ECE1: variants seen among roughly 807,000 people sequenced by gnomAD.
The protein encoded by ECE1 is endothelin-converting enzyme 1.
A neutral mutation model predicts 98.6 loss-of-function variants in ECE1; 35 were observed. The ratio of observed to expected loss-of-function variants is 0.35; its 90% CI spans 0.27 to 0.47. ECE1 has a LOEUF of 0.47. Ranked by LOEUF, ECE1 falls within the 20% of genes least tolerant of loss-of-function variation. The probability of loss-of-function intolerance (pLI) is 1.00; values close to 1 mark genes in which losing one functional copy is unlikely to be tolerated. For synonymous variants in ECE1, 394 were observed against 407.1 expected (o/e 0.97, Z 0.39); for missense variants, 814 against 1,025.3 (o/e 0.79, Z 2.81).
intron 1 of ECE1, among the ~76,000 whole-genome samples, chr1:21,328,406 G>A (rs1639127836): frequency 6.6e-6 from 1 of 152,216 alleles, no homozygotes; most frequent in Non-Finnish European, 1.5e-5. Flanking sequence ...GTAAATGGTA[G>A]ATATTGCCAC....
chr1:21,335,124 A>T (rs746908200), intron 1 of ECE1, among the ~76,000 whole-genome samples: 41 of 151,498 alleles, frequency 2.7e-4, no homozygotes, highest in Non-Finnish European at 5.3e-4. Flanking sequence ...TTCACCCCCT[A>T]CATGTGCCAA....
At chr1:21,293,031 T>G (rs1638249098), upstream of ECE1, among the ~76,000 whole-genome samples, 1 of 152,212 alleles carries the variant, frequency 6.6e-6, no homozygotes, top group African/African-American at 2.4e-5. Flanking sequence ...GAAGTTCAGT[T>G]CACAGAACAT....
At position 21,221,672 on chromosome 1, in the gene ECE1, T is replaced by G. The variant is rs13306312; in HGVS notation, c.2136+75A>C. On this transcript the variant is annotated intron_variant, in intron 18 of 18. Coordinates refer to ENST00000374893, the MANE Select transcript of ECE1 (RefSeq NM_001397.3). ...TTCTCAATCTGTGGGGAACTTGCCT[T>G]TCGGCTCTCTGGGCTCTTGAAACAT... 132 of 1,506,242 alleles carry G rather than the reference T, an allele frequency of 8.8e-5. No homozygotes were observed. In the East Asian group the frequency reaches 2.4e-3, roughly 27 times the overall value. The allele number at this position is 1,506,242 out of a possible 1,614,324, so 93.3% of individuals were successfully genotyped here.
chr1:21,218,009 C>T lies in ECE1; in HGVS notation c.*1946G>A, dbSNP rs3026914. ...GCGGGAAAGCGGTGGCTGTGGAGGG[C>T]ACGTGCTGCCCCCACCTCCGTCTCG... On this transcript the variant is annotated 3_prime_UTR_variant, in exon 19 of 19. Coordinates refer to ENST00000374893, the MANE Select transcript of ECE1 (RefSeq NM_001397.3). This position sits in a 1 kb window ranked among gnomAD's most constrained non-coding sequence, Gnocchi z 4.0. 8,353 of 152,602 alleles carry T rather than the reference C, an allele frequency of 0.055. 753 individuals carry two copies. Among genetic ancestry groups the T allele is most frequent in the African/African-American group, 0.19 (7,830 of 41,484 alleles). 9.5% of individuals were successfully genotyped at this position (152,602 alleles called of 1,614,324 possible).
At chr1:21,299,098 T>C (rs186042242) in intron 1 of ECE1, 111 of 335,704 alleles carry the variant, frequency 3.3e-4, no homozygotes, top group African/African-American at 2.2e-3. Flanking sequence ...AAGACAAAGT[T>C]AACCCGTCTC....
chr1:21,320,482 TGAGA>T (rs1431173066), intron 1 of ECE1, among the ~76,000 whole-genome samples: 1 of 152,264 alleles, frequency 6.6e-6, no homozygotes, highest in Non-Finnish European at 1.5e-5. Flanking sequence ...CAGTGGGTCC[TGAGA>T]ATACAACCTA....
chr1:21,332,090 C>T (rs1017831397), intron 1 of ECE1, among the ~76,000 whole-genome samples: 2 of 152,194 alleles, frequency 1.3e-5, no homozygotes, highest in Non-Finnish European at 2.9e-5. Context: ...CACCCTCCCC[C>T]ACCCCATCCT....
chr1:21,254,633 G>A (rs894145672), intron 8 of ECE1, among the ~76,000 whole-genome samples: 7 of 152,278 alleles, frequency 4.6e-5, no homozygotes, highest in East Asian at 3.9e-4. Flanking sequence ...GAGGCACTGC[G>A]GGGGCCCCTC....
intron 7 of ECE1, chr1:21,256,563 A>T (rs2098220251): frequency 6.6e-6 from 1 of 152,626 alleles, no homozygotes; most frequent in Non-Finnish European, 1.5e-5. Context: ...GTCTCAAAAA[A>T]AAAAGAAGAA....
chr1:21,287,956 T>TG (rs976560174), intron 2 of ECE1, among the ~76,000 whole-genome samples: 3 of 137,370 alleles, frequency 2.2e-5, no homozygotes, highest in African/African-American at 9.2e-5. Flanking sequence ...GCTTTTACAC[T>TG]GGGGAAAAAA....
chr1:21,256,058 C>A lies in ECE1; in HGVS notation c.909G>T (p.Gln303His). 1 of 1,612,330 alleles carries A rather than the reference C, an allele frequency of 6.2e-7. No individual in the cohort carries two copies. The highest frequency in any genetic ancestry group is 8.5e-7 in the Non-Finnish European group (1 of 1,178,364). The stretch of plus-strand genomic sequence containing the variant: ...TCTCAAAGTCCAAGATCTGCTGCAT[C>A]TGGGGCCGGATGGCCTCCTCGTCCC... ...GGGDEEAIRPQMQQILDFETA... is the reference protein window; with the variant it reads ...GGGDEEAIRPHMQQILDFETA... Residue 303 changes from glutamine (Q) to histidine (H), a missense_variant, in exon 8 of 19, where the codon CAG becomes CAT. This residue lies in a region of ECE1 where 105 missense variants were observed against 179.1 expected (regional missense o/e 0.59). Transcript: ENST00000374893.
rs1172192010 is a variant in ECE1, at chr1:21,257,576, G to A, written c.777C>T (p.Gly259=). The change falls in exon 7 of 19, where the codon GGC becomes GGT. Residue 259 remains glycine, a synonymous_variant. Transcript: ENST00000374893. ...NSNVIQVDQS[G]LGLPSRDYYL... is the part of the protein sequence containing the mutation. Reference sequence around the variant, plus strand: ...AATAGTCTCTCGAGGGCAAGCCCAGGCCAGACTGGTCCACCTGGCAAGAGA... The same window carrying A: ...AATAGTCTCTCGAGGGCAAGCCCAGACCAGACTGGTCCACCTGGCAAGAGA... 2.5e-6 allele frequency: 4 copies of A among 1,614,248 alleles called. No homozygotes were observed. Among genetic ancestry groups the A allele is most frequent in the Middle Eastern group, 1.7e-4 (1 of 6,058 alleles).
Position 21,250,944 on chromosome 1 carries a change from T to C in ECE1, c.1021-3581A>G, listed in dbSNP as rs566449348. Among the ~76,000 whole-genome samples the C allele has an allele frequency of 9.0e-4, 136 of 151,728 alleles. 1 individual carries two copies. The highest frequency in any genetic ancestry group is 1.8e-3 in the Non-Finnish European group (119 of 67,846). On this transcript the variant is annotated intron_variant, in intron 8 of 18. Coordinates refer to ENST00000374893, the MANE Select transcript of ECE1 (RefSeq NM_001397.3). Reference sequence around the variant, plus strand: ...ATGGCATGAACCCGGGAGGCAGAGCTTGCAGTGAGCGGGGATCGCGCCACT... The same window carrying C: ...ATGGCATGAACCCGGGAGGCAGAGCCTGCAGTGAGCGGGGATCGCGCCACT...
At chr1:21,291,971 T>C (rs530621769), upstream of ECE1, among the ~76,000 whole-genome samples, 4 of 147,798 alleles carry the variant, frequency 2.7e-5, no homozygotes, top group Non-Finnish European at 6.0e-5. Context: ...AAAAAGAAAA[T>C]ATATATATAT....
intron 8 of ECE1, among the ~76,000 whole-genome samples, chr1:21,253,767 TAA>T (rs571502222): frequency 6.7e-5 from 8 of 119,198 alleles, no homozygotes; most frequent in Admixed American, 1.7e-4. Context: ...TGTCTCAAAT[TAA>T]AAAAAAAAAA....
Position 21,345,330 on chromosome 1 carries a change from T to C in ECE1, c.3+46A>G. The C allele has an allele frequency of 2.2e-6, 3 of 1,350,296 alleles. No homozygotes were observed. Among genetic ancestry groups the C allele is most frequent in the South Asian group, 1.7e-5 (1 of 59,588 alleles). The allele number at this position is 1,350,296 out of a possible 1,614,324, so 83.6% of individuals were successfully genotyped here. ...CCCGCGGCACCGCTGCCCGCGACCG[T>C]CGAGGCTGGGCTGGACCGGACCAGA... On this transcript the variant is annotated intron_variant, in intron 1 of 18. Coordinates refer to the ECE1 transcript ENST00000415912. This position sits in a 1 kb window ranked among gnomAD's most constrained non-coding sequence, Gnocchi z 5.1.
intron 1 of ECE1, among the ~76,000 whole-genome samples, chr1:21,335,608 G>C (rs1304897043): frequency 6.6e-6 from 1 of 152,218 alleles, no homozygotes; most frequent in Non-Finnish European, 1.5e-5. Context: ...GGCCTACTCT[G>C]GAGGGCTCTC....
intron 2 of ECE1, among the ~76,000 whole-genome samples, chr1:21,282,601 A>AG (rs1319752087): frequency 5.3e-5 from 8 of 151,002 alleles, no homozygotes; most frequent in East Asian, 1.9e-4. Context: ...AAAAAAAAAA[A>AG]AAAGAAAGAA....
Position 21,345,207 on chromosome 1 carries a change from C to G in ECE1, c.3+169G>C. The G allele has an allele frequency of 1.1e-6, 1 of 923,578 alleles. No individual in the cohort carries two copies. Among genetic ancestry groups the G allele is most frequent in the Non-Finnish European group, 1.4e-6 (1 of 733,968 alleles). The allele number at this position is 923,578 out of a possible 1,614,324, so 57.2% of individuals were successfully genotyped here. Reference sequence around the variant, plus strand: ...GCCGCCGGGAGAGCCGCGCTCTGCCCGGGCGCTCCCCGACTCCACGCCTTC... The same window carrying G: ...GCCGCCGGGAGAGCCGCGCTCTGCCGGGGCGCTCCCCGACTCCACGCCTTC... On this transcript the variant is annotated intron_variant, in intron 1 of 18. Coordinates refer to the ECE1 transcript ENST00000415912. The surrounding 1 kb of genome is among the most constrained non-coding windows in gnomAD (Gnocchi z 5.1).
Sources: allele counts gnomAD v4.1 joint callset (sites outside exome capture counted in the v4.1 genomes callset), GRCh38; gene constraint gnomAD v4.1.1; regional missense constraint gnomAD v4.1.1; non-coding constraint Gnocchi (gnomAD v3.1); transcripts MANE v1.5; gene names NCBI Gene and HGNC (gene_info 2026-07-23, HGNC 2026-07-21).